TCL1B: variants seen among roughly 807,000 people sequenced by gnomAD.
The protein encoded by TCL1B is TCL1 family AKT coactivator B.
TCL1B carries 14 observed loss-of-function variants against 16.9 expected under a neutral mutation model. The ratio of observed to expected loss-of-function variants is 0.83; its 90% CI spans 0.55 to 1.30. TCL1B has a LOEUF of 1.30. Ranked by LOEUF, TCL1B falls within the 50% of genes most tolerant of loss-of-function variation. TCL1B has a pLI of 0.00. For missense variants in TCL1B, 166 were observed against 165.2 expected (o/e 1.00, Z -0.03); for synonymous variants, 79 against 66.6 (o/e 1.19, Z -0.91).
intron 1 of TCL1B, 100 bp downstream of exon 1, chr14:95,686,729 C>A: frequency 7.3e-7 from 1 of 1,364,096 alleles, no homozygotes; most frequent in Non-Finnish European, 9.7e-7. Context: ...TTCTCACCCG[C>A]ACTGGAAAAC....
chr14:95,690,921 G>C lies in TCL1B; in HGVS notation c.333+15G>C, dbSNP rs756526698. 15 of 1,607,160 alleles carry C rather than the reference G, an allele frequency of 9.3e-6. No homozygotes were observed. Among genetic ancestry groups the C allele is most frequent in the Non-Finnish European group, 1.3e-5 (15 of 1,175,168 alleles). On this transcript the variant is annotated intron_variant, in intron 2 of 3. Coordinates refer to ENST00000340722, the MANE Select transcript of TCL1B (RefSeq NM_004918.4). ...ACCATGGCCAGGCAAGTGTGTGGTG[G>C]TTCTAGGTGAAAGCGACAGGTGGCC...
At position 95,686,475 on chromosome 14, in the gene TCL1B, C is replaced by G; in HGVS notation, c.8C>G (p.Ser3Cys). The G allele has an allele frequency of 1.3e-6, 2 of 1,594,142 alleles. No homozygotes were observed. The highest frequency in any genetic ancestry group is 8.5e-7 in the Non-Finnish European group (1 of 1,170,590). ...CCCGGTTGCAGACTTGCCATGGCCTCCGAAGCTTCTGTGCGTCTAGGGGTG... is the reference window on the plus strand; with the variant it reads ...CCCGGTTGCAGACTTGCCATGGCCTGCGAAGCTTCTGTGCGTCTAGGGGTG... MA[S>C]EASVRLGVPP... Residue 3 changes from serine (S) to cysteine (C), a missense_variant, in exon 1 of 4, where the codon TCC becomes TGC. Physicochemically the swap from Ser to Cys is moderately radical, Grantham distance 112. Transcript: ENST00000340722.
At chr14:95,689,710 C>A (rs1401670368) in intron 1 of TCL1B, among the ~76,000 whole-genome samples, 1 of 152,156 alleles carries the variant, frequency 6.6e-6, no homozygotes, top group Non-Finnish European at 1.5e-5. Flanking sequence ...GATCTACAGT[C>A]AGAATACACA....
chr14:95,691,607 G>A (rs1160883046), intron 3 of TCL1B: 1 of 304,854 alleles, frequency 3.3e-6, no homozygotes, highest in East Asian at 6.0e-5. Context: ...ACGTGTTAAT[G>A]TCCCATTTCA....
intron 1 of TCL1B, among the ~76,000 whole-genome samples, chr14:95,687,610 G>A (rs1885789624): frequency 6.6e-6 from 1 of 152,114 alleles, no homozygotes; most frequent in African/African-American, 2.4e-5. Flanking sequence ...GAAATGGGGG[G>A]CTGGCTGTAC....
intron 1 of TCL1B, among the ~76,000 whole-genome samples, chr14:95,688,591 C>T (rs1473347194): frequency 2.6e-5 from 4 of 152,134 alleles, no homozygotes; most frequent in Non-Finnish European, 4.4e-5. Flanking sequence ...ACTCTGAAGC[C>T]GGAACTTAAG....
chr14:95,686,802 C>G (rs967471092), intron 1 of TCL1B, among the ~76,000 whole-genome samples, 173 bp downstream of exon 1: 4 of 152,180 alleles, frequency 2.6e-5, no homozygotes, highest in African/African-American at 9.7e-5. Context: ...CCAGGAACAC[C>G]CCCCGTAAAG....
rs200475878 is a variant in TCL1B at position 95,690,861 on chromosome 14, C to T, written c.288C>T (p.Tyr96=). The T allele has an allele frequency of 1.1e-5, 18 of 1,614,066 alleles. No homozygotes were observed. The highest frequency in any genetic ancestry group is 1.6e-4 in the Middle Eastern group (1 of 6,082). The change falls in exon 2 of 4, where the codon TAC becomes TAT. Residue 96 remains tyrosine, a synonymous_variant. Coordinates refer to ENST00000340722, the MANE Select transcript of TCL1B (RefSeq NM_004918.4). ...AVWQLYPGRK[Y]RAADSSFWEI... Reference sequence around the variant, plus strand: ...GGCAGCTCTACCCCGGGAGGAAGTACCGAGCAGCGGATTCCAGTTTCTGGG... The same window carrying T: ...GGCAGCTCTACCCCGGGAGGAAGTATCGAGCAGCGGATTCCAGTTTCTGGG...
intron 2 of TCL1B, 43 bp from the exon 3 acceptor site, chr14:95,691,225 G>A: frequency 1.2e-6 from 2 of 1,602,824 alleles, no homozygotes; most frequent in Non-Finnish European, 1.7e-6. Context: ...CCAACTGGAA[G>A]AGCATCTCCC....
chr14:95,691,011 T>C, intron 2 of TCL1B, 105 bp downstream of exon 2: 3 of 1,370,306 alleles, frequency 2.2e-6, no homozygotes, highest in Non-Finnish European at 3.0e-6. Flanking sequence ...TTGTCTGTCC[T>C]CTTCCTGTTG....
At position 95,686,451 on chromosome 14, in the gene TCL1B, C is replaced by T. The variant is rs767688063; in HGVS notation, c.-17C>T. The T allele has an allele frequency of 2.5e-6, 4 of 1,577,008 alleles. No individual in the cohort carries two copies. Among genetic ancestry groups the T allele is most frequent in the East Asian group, 2.2e-5 (1 of 44,648 alleles). ...ACACGTGTGAGCCTAGAGGCGGGTC[C>T]CGGTTGCAGACTTGCCATGGCCTCC... On this transcript the variant is annotated 5_prime_UTR_variant, in exon 1 of 4. Transcript: ENST00000340722.
rs771199697 is a variant in TCL1B, at chr14:95,686,620, G to T, written c.153G>T (p.Gln51His). 5 of 1,607,832 alleles carry T rather than the reference G, an allele frequency of 3.1e-6. No individual in the cohort carries two copies. In the South Asian group the frequency reaches 5.5e-5, roughly 18 times the overall value. Residue 51 changes from glutamine to histidine, a missense_variant, in exon 1 of 4, where the codon CAG (glutamine) becomes CAT (histidine). Gln to His is a conservative substitution (Grantham distance 24, BLOSUM62 0). Transcript: ENST00000340722. ...PSRREWARAS[Q>H]GSRYEPSITV... ...GTAGGGAATGGGCCAGGGCCTCCCAGGGCAGCAGAGTGAGTCCTGGGCACG... is the reference window on the plus strand; with the variant it reads ...GTAGGGAATGGGCCAGGGCCTCCCATGGCAGCAGAGTGAGTCCTGGGCACG...
chr14:95,688,506 A>G (rs1338535708), intron 1 of TCL1B, among the ~76,000 whole-genome samples: 2 of 152,162 alleles, frequency 1.3e-5, no homozygotes, highest in Non-Finnish European at 2.9e-5. Context: ...CACTATGGAA[A>G]ACAGGATGAG....
intron 1 of TCL1B, among the ~76,000 whole-genome samples, chr14:95,687,825 G>A (rs1356775667): frequency 1.3e-5 from 2 of 151,706 alleles, no homozygotes; most frequent in South Asian, 2.1e-4. Context: ...GGTGGTGGAC[G>A]CCTGTAGTCC....
rs186591156 is a variant in TCL1B, at chr14:95,689,050, G to T, written c.163-1686G>T. On this transcript the variant is annotated intron_variant, in intron 1 of 3. Coordinates refer to ENST00000340722, the MANE Select transcript of TCL1B (RefSeq NM_004918.4). ...GCCTGTAATCCCAGCACTTTGGGGG[G>T]CCGAGGCGGGCGGATCACAAGGTCA... is the stretch of plus-strand genomic sequence containing the variant. 9.8e-4 allele frequency among the ~76,000 whole-genome samples: 149 copies of T among 152,274 alleles called. 2 individuals are homozygous for T. In the East Asian group the frequency reaches 0.027, roughly 27 times the overall value.
At chr14:95,689,757 T>C (rs184246744) in intron 1 of TCL1B, among the ~76,000 whole-genome samples, 1 of 152,344 alleles carries the variant, frequency 6.6e-6, no homozygotes, top group Admixed American at 6.5e-5. Flanking sequence ...TTAAAATACT[T>C]CTCTTTGCAA....
intron 1 of TCL1B, chr14:95,689,375 C>T (rs1885835954): frequency 6.6e-6 from 1 of 151,286 alleles, no homozygotes; most frequent in Non-Finnish European, 1.5e-5. Context: ...CTTCAAATAA[C>T]TTAGCCACGG....
At chr14:95,687,947 G>A (rs1360550037) in intron 1 of TCL1B, among the ~76,000 whole-genome samples, 14 of 13,176 alleles carry the variant, frequency 1.1e-3, no homozygotes, top group African/African-American at 3.6e-3. Context: ...GTGAGACTCC[G>A]TCCCAAAAAA....
intron 1 of TCL1B, among the ~76,000 whole-genome samples, chr14:95,688,989 A>G (rs564478017): frequency 6.6e-6 from 1 of 152,118 alleles, no homozygotes; most frequent in African/African-American, 2.4e-5. Context: ...ACCAAACTGT[A>G]CTCTTAAAAA....
Sources: gnomAD v4.1 joint callset for allele counts (sites outside exome capture counted in the v4.1 genomes callset) on GRCh38, gnomAD v4.1.1 for gene constraint, MANE v1.5 for transcripts, NCBI Gene and HGNC (gene_info 2026-07-23, HGNC 2026-07-21) for gene names.